The following GRIA4 variants were observed in gnomAD, a reference collection of about 807,000 sequenced individuals.
The protein encoded by GRIA4 is glutamate receptor 4.
Under a neutral mutation model 104.0 loss-of-function variants are expected in GRIA4, and 34 were observed. The observed-to-expected ratio is 0.33, with a 90% CI of 0.25 to 0.44. The LOEUF is 0.44. Among genes scored for constraint, GRIA4 ranks in the 20% least tolerant of loss-of-function variants. GRIA4 has a pLI of 1.00. For synonymous variants in GRIA4, 386 were observed against 381.9 expected, an observed-to-expected ratio of 1.01 and a Z score of -0.13; for missense variants, 750 against 1,096.5, an observed-to-expected ratio of 0.68 and a Z score of 4.46.
intron 3 of GRIA4, among the ~76,000 whole-genome samples, chr11:105,666,513 G>A (rs1952169998): frequency 6.6e-6 from 1 of 151,844 alleles, no homozygotes. Flanking sequence ...TAAAAACTAT[G>A]AAATAATGCA....
chr11:105,646,008 A>G (rs189099159), intron 3 of GRIA4, among the ~76,000 whole-genome samples: 53 of 152,332 alleles, frequency 3.5e-4, no homozygotes, highest in Middle Eastern at 3.4e-3. Flanking sequence ...AAAATAAAAA[A>G]TCAGTATGGT....
chr11:105,827,834 T>A (rs1455810770), intron 4 of GRIA4, among the ~76,000 whole-genome samples: 2 of 152,062 alleles, frequency 1.3e-5, no homozygotes, highest in East Asian at 3.9e-4. Flanking sequence ...CAACTTCTGG[T>A]TAAGTCAATA....
chr11:105,611,113 T>C (rs868016375), intron 2 of GRIA4, 28 bp downstream of exon 2: 1 of 1,494,090 alleles, frequency 6.7e-7, no homozygotes, highest in Non-Finnish European at 9.3e-7. Context: ...GGGGTGTGCA[T>C]GTGGCTGGTT....
intron 5 of GRIA4, among the ~76,000 whole-genome samples, chr11:105,875,620 C>T (rs1192911637): frequency 6.6e-6 from 1 of 152,112 alleles, no homozygotes; most frequent in African/African-American, 2.4e-5. Context: ...AAGGATTCTA[C>T]TTCTTCCTGG....
In GRIA4 at chr11:105,898,403, T is replaced by G. The variant is rs1172554219; in HGVS notation, c.861T>G (p.Tyr287Ter). Residue 287 changes from tyrosine to a stop codon, truncating the protein, a stop_gained, in exon 7 of 17, where the codon TAT (tyrosine) becomes TAG (stop). Coordinates refer to ENST00000282499, the MANE Select transcript of GRIA4 (RefSeq NM_000829.4). LOFTEE classifies it high-confidence loss of function. The stretch of plus-strand genomic sequence containing the variant: ...GGAAGAAACTAGATCAGAGAGAGTA[T>G]CCAGGATCTGAGACTCCTCCAAAGG... The part of the protein sequence containing the change: ...DRWKKLDQRE[Y>*]PGSETPPKYT... The G allele has an allele frequency of 6.3e-7, 1 of 1,591,636 alleles. No individual in the cohort carries two copies.
At chr11:105,639,040 A>T (rs1355204715) in intron 3 of GRIA4, among the ~76,000 whole-genome samples, 5 of 152,160 alleles carry the variant, frequency 3.3e-5, no homozygotes, top group Non-Finnish European at 7.4e-5. Context: ...TCTTAAAACG[A>T]TGAACCAACC....
chr11:105,639,862 A>G (rs2135344393), intron 3 of GRIA4, among the ~76,000 whole-genome samples: 1 of 152,130 alleles, frequency 6.6e-6, no homozygotes, highest in East Asian at 1.9e-4. Context: ...TGAATAGAGC[A>G]GTAAACACTA....
intron 4 of GRIA4, among the ~76,000 whole-genome samples, chr11:105,779,261 T>C (rs1321025767): frequency 6.6e-6 from 1 of 152,034 alleles, no homozygotes; most frequent in Admixed American, 6.6e-5. Context: ...CAAGGAGAAC[T>C]ACAAACCACT....
At chr11:105,648,609 A>C (rs938260197) in intron 3 of GRIA4, among the ~76,000 whole-genome samples, 1 of 151,862 alleles carries the variant, frequency 6.6e-6, no homozygotes, top group African/African-American at 2.4e-5. Flanking sequence ...AAAAGAAAGA[A>C]CTAGGAAGGG....
intron 5 of GRIA4, 72 bp downstream of exon 5, chr11:105,862,280 C>T: frequency 1.3e-6 from 1 of 792,142 alleles, no homozygotes; most frequent in Admixed American, 2.5e-5. Flanking sequence ...GACTTGTCCC[C>T]ATCAACATCT....
At chr11:105,956,917 T>G (rs1370970734) in intron 14 of GRIA4, among the ~76,000 whole-genome samples, 1 of 151,460 alleles carries the variant, frequency 6.6e-6, no homozygotes, top group African/African-American at 2.4e-5. Context: ...TTTTGAGAAG[T>G]GTCTGTTCAT....
In GRIA4 at chr11:105,812,694, C is replaced by T. The variant is rs148801191; in HGVS notation, c.488-49330C>T. 2.6e-3 allele frequency among the ~76,000 whole-genome samples: 393 copies of T among 152,202 alleles called. 2 individuals are homozygous for T. The highest frequency in any genetic ancestry group is 7.9e-3 in the Admixed American group (120 of 15,278). On this transcript the variant is annotated intron_variant, in intron 4 of 16. Coordinates refer to ENST00000282499, the MANE Select transcript of GRIA4 (RefSeq NM_000829.4). ...TTAATATTGTTAACCCAAATTAGAACTCTGGGCTTCTGAATCATACCCTAC... is the reference window on the plus strand; with the variant it reads ...TTAATATTGTTAACCCAAATTAGAATTCTGGGCTTCTGAATCATACCCTAC...
intron 4 of GRIA4, among the ~76,000 whole-genome samples, chr11:105,759,487 G>A (rs535648346): frequency 8.5e-5 from 13 of 152,148 alleles, no homozygotes; most frequent in Non-Finnish European, 2.9e-5. Flanking sequence ...AACTACATAT[G>A]TCACATTCTT....
chr11:105,625,378 T>C (rs1950861136), intron 3 of GRIA4, among the ~76,000 whole-genome samples: 1 of 152,116 alleles, frequency 6.6e-6, no homozygotes, highest in East Asian at 1.9e-4. Context: ...CAGAATTGAA[T>C]AACACAAAAC....
chr11:105,883,967 G>A (rs1246924625), intron 5 of GRIA4, among the ~76,000 whole-genome samples: 1 of 152,228 alleles, frequency 6.6e-6, no homozygotes, highest in Non-Finnish European at 1.5e-5. Context: ...ATGAAAAAAT[G>A]CTCATCATCA....
At chr11:105,740,915 C>A (rs1026572426) in intron 3 of GRIA4, among the ~76,000 whole-genome samples, 1 of 152,142 alleles carries the variant, frequency 6.6e-6, no homozygotes, top group African/African-American at 2.4e-5. Flanking sequence ...ACATGGGTAT[C>A]ACTCCAAATA....
At chr11:105,705,505 T>C (rs1283347115) in intron 3 of GRIA4, among the ~76,000 whole-genome samples, 2 of 152,126 alleles carry the variant, frequency 1.3e-5, no homozygotes, top group East Asian at 3.8e-4. Context: ...GTTTGCAATG[T>C]GTAACACAAA....
chr11:105,944,268 A>G (rs539238), intron 14 of GRIA4, among the ~76,000 whole-genome samples: 82,265 of 151,998 alleles, frequency 0.54, 22,318 homozygotes, highest in South Asian at 0.61. Context: ...TGAGATTCCA[A>G]AGTACATCCA....
chr11:105,892,769 T>G lies in GRIA4; in HGVS notation c.726+5197T>G, dbSNP rs1177966005. 1.4e-4 allele frequency among the ~76,000 whole-genome samples: 21 copies of G among 152,212 alleles called. 1 individual carries two copies. Among genetic ancestry groups the G allele is most frequent in the Non-Finnish European group, 2.8e-4 (19 of 68,010 alleles). On this transcript the variant is annotated intron_variant, in intron 6 of 16. Coordinates refer to ENST00000282499, the MANE Select transcript of GRIA4 (RefSeq NM_000829.4). ...ACATGCATATGAAAAGTACATACTT[T>G]AAGTCAATTTCTTAACTAATTTTTA... is the stretch of plus-strand genomic sequence containing the variant.
Sources: allele counts gnomAD v4.1 joint callset (sites outside exome capture counted in the v4.1 genomes callset), GRCh38; gene constraint gnomAD v4.1.1; transcripts MANE v1.5; gene names NCBI Gene and HGNC (gene_info 2026-07-23, HGNC 2026-07-21).